Variants in FMN2 observed in about 807,000 individuals in gnomAD.
FMN2 encodes formin 2, also known as formin-2.
Under a neutral mutation model 142.3 loss-of-function variants are expected in FMN2, and 51 were observed. That is an observed-to-expected ratio of 0.36 (90% CI 0.29 to 0.45). The LOEUF is 0.45. FMN2 is among the 20% of genes least tolerant of loss of function. FMN2 has a pLI of 1.00. For missense variants in FMN2, 1,936 were observed against 2,122.8 expected (o/e 0.91, Z 1.73); for synonymous variants, 882 against 869.8 (o/e 1.01, Z -0.25).
At chr1:240,392,946 A>G (rs1258140741) in intron 15 of FMN2, among the ~76,000 whole-genome samples, 2 of 151,960 alleles carry the variant, frequency 1.3e-5, no homozygotes, top group Admixed American at 1.3e-4. Context: ...CCTTGGATGC[A>G]CCTTCATTTC....
At chr1:240,336,716 T>C (rs1199500809) in intron 13 of FMN2, among the ~76,000 whole-genome samples, 1 of 152,162 alleles carries the variant, frequency 6.6e-6, no homozygotes, top group Non-Finnish European at 1.5e-5. Flanking sequence ...AGAATGGCAT[T>C]TACCTTTGAG....
At chr1:240,330,452 C>T (rs112880175) in intron 10 of FMN2, 151 bp from the exon 11 acceptor site, 10 of 755,352 alleles carry the variant, frequency 1.3e-5, no homozygotes, top group African/African-American at 1.1e-4. Flanking sequence ...CAGGATACTG[C>T]TCTTAAAATA....
intron 15 of FMN2, among the ~76,000 whole-genome samples, chr1:240,434,746 G>A (rs1158765680): frequency 2.3e-5 from 2 of 88,260 alleles, no homozygotes; most frequent in East Asian, 5.7e-4. Flanking sequence ...TTTTTTTTTT[G>A]TATTTTTAGT....
At chr1:240,184,070 C>T (rs1212010459) in intron 3 of FMN2, among the ~76,000 whole-genome samples, 1 of 151,996 alleles carries the variant, frequency 6.6e-6, no homozygotes, top group Non-Finnish European at 1.5e-5. Flanking sequence ...ACTGTCTTCT[C>T]TCTGTAAATA....
chr1:240,381,416 A>C (rs1353655444), intron 14 of FMN2, among the ~76,000 whole-genome samples: 2 of 152,064 alleles, frequency 1.3e-5, no homozygotes, highest in Non-Finnish European at 2.9e-5. Context: ...AAGAGATTTA[A>C]AAAACCATAT....
chr1:240,217,988 G>A (rs1040394545), intron 6 of FMN2, among the ~76,000 whole-genome samples: 4 of 151,942 alleles, frequency 2.6e-5, no homozygotes, highest in African/African-American at 4.8e-5. Flanking sequence ...TATATACCAC[G>A]GTATTAAGAT....
intron 14 of FMN2, among the ~76,000 whole-genome samples, chr1:240,383,969 AT>A (rs1348112916): frequency 2.0e-5 from 3 of 152,170 alleles, no homozygotes; most frequent in South Asian, 4.1e-4. Flanking sequence ...CCACTCAGTC[AT>A]AAAAAGAATA....
Position 240,207,129 on chromosome 1 carries a change from G to A in FMN2, c.2317G>A (p.Ala773Thr), listed in dbSNP as rs1375492286. 1 of 1,614,080 alleles carries A rather than the reference G, an allele frequency of 6.2e-7. No individual in the cohort carries two copies. The highest frequency in any genetic ancestry group is 1.3e-5 in the African/African-American group (1 of 75,008). ...LPGRPPCPPGAESGPQTKFCS... is the reference protein window; with the variant it reads ...LPGRPPCPPGTESGPQTKFCS... Reference sequence around the variant, plus strand: ...AGGGCGTCCTCCATGCCCCCCTGGGGCTGAAAGTGGACCTCAGACAAAGTT... The same window carrying A: ...AGGGCGTCCTCCATGCCCCCCTGGGACTGAAAGTGGACCTCAGACAAAGTT... Residue 773 changes from alanine (A) to threonine (T), a missense_variant, in exon 5 of 18, where the codon GCT becomes ACT. This residue lies in a region of FMN2 where 478 missense variants were observed against 462.8 expected (regional missense o/e 1.03). Coordinates refer to ENST00000319653, the MANE Select transcript of FMN2 (RefSeq NM_020066.5).
chr1:240,165,804 C>T (rs1014247366), intron 2 of FMN2, among the ~76,000 whole-genome samples: 1 of 151,994 alleles, frequency 6.6e-6, no homozygotes, highest in African/African-American at 2.4e-5. Flanking sequence ...TGAAAATGTT[C>T]GACCTGCCTT....
At chr1:240,337,734 A>T (rs1467234725) in intron 13 of FMN2, among the ~76,000 whole-genome samples, 1 of 152,206 alleles carries the variant, frequency 6.6e-6, no homozygotes, top group Non-Finnish European at 1.5e-5. Flanking sequence ...TTCTGCTTAG[A>T]GACTTGATTT....
At chr1:240,278,182 G>A (rs1267575320) in intron 7 of FMN2, among the ~76,000 whole-genome samples, 2 of 152,126 alleles carry the variant, frequency 1.3e-5, no homozygotes, top group African/African-American at 4.8e-5. Context: ...GGCATTTGGG[G>A]CTCCTGGCCT....
At chr1:240,249,457 G>A (rs1668202275) in intron 6 of FMN2, among the ~76,000 whole-genome samples, 2 of 152,120 alleles carry the variant, frequency 1.3e-5, no homozygotes, top group South Asian at 2.1e-4. Flanking sequence ...ATTGGTCTAT[G>A]TGTTTGTTTT....
intron 8 of FMN2, 144 bp downstream of exon 8, chr1:240,295,027 C>T: frequency 1.5e-5 from 9 of 608,450 alleles, no homozygotes; most frequent in Admixed American, 3.2e-5. Flanking sequence ...GTGTTTGTTA[C>T]AATACTTTCT....
intron 7 of FMN2, among the ~76,000 whole-genome samples, chr1:240,293,105 C>T (rs903557490): frequency 3.0e-4 from 45 of 152,160 alleles, no homozygotes; most frequent in African/African-American, 1.0e-3. Context: ...CTTTCGATCT[C>T]ATGTATATGA....
In FMN2 at chr1:240,424,616, A is replaced by G. The variant is rs561322525; in HGVS notation, c.4911-13445A>G. 2.6e-5 allele frequency among the ~76,000 whole-genome samples: 4 copies of G among 152,310 alleles called. No individual in the cohort carries two copies. The South Asian group carries it at 6.2e-4, about 24-fold the overall frequency. On this transcript the variant is annotated intron_variant, in intron 15 of 17. Transcript: ENST00000319653. The stretch of plus-strand genomic sequence containing the variant: ...AGGCTCTTTTATTTCTGGCTGCCAC[A>G]CTGATAACAGAACCTTCACTCGTAG...
At chr1:240,144,895 C>T in intron 2 of FMN2, 7 of 1,416,444 alleles carry the variant, frequency 4.9e-6, no homozygotes, top group Non-Finnish European at 6.0e-6. Flanking sequence ...CTGCCAGGTG[C>T]CTGATATACT....
intron 1 of FMN2, among the ~76,000 whole-genome samples, chr1:240,102,460 T>C (rs1661448976): frequency 6.6e-6 from 1 of 152,204 alleles, no homozygotes; most frequent in Non-Finnish European, 1.5e-5. Flanking sequence ...TTAACCTATA[T>C]ACTTGTAGAT....
At chr1:240,450,575 C>T (rs1675976944) in intron 16 of FMN2, among the ~76,000 whole-genome samples, 1 of 152,212 alleles carries the variant, frequency 6.6e-6, no homozygotes, top group Admixed American at 6.5e-5. Flanking sequence ...CCACGTTCCA[C>T]CTCCGATTGA....
chr1:240,392,673 A>T (rs761733627), intron 15 of FMN2, 111 bp downstream of exon 15: 21 of 802,922 alleles, frequency 2.6e-5, no homozygotes, highest in Non-Finnish European at 4.1e-5. Context: ...TAAAACAAAA[A>T]TAAATCTAAT....
Sources: gnomAD v4.1 joint callset for allele counts (sites outside exome capture counted in the v4.1 genomes callset) on GRCh38, gnomAD v4.1.1 for gene constraint, gnomAD v4.1.1 regional missense constraint, MANE v1.5 for transcripts, NCBI Gene and HGNC (gene_info 2026-07-23, HGNC 2026-07-21) for gene names.